SLC2A9: variants seen among roughly 807,000 people sequenced by gnomAD.
SLC2A9 encodes the protein solute carrier family 2, facilitated glucose transporter member 9.
Under a neutral mutation model 50.6 loss-of-function variants are expected in SLC2A9, and 39 were observed. The ratio of observed to expected loss-of-function variants is 0.77; its 90% CI spans 0.60 to 1.01. The LOEUF (loss-of-function observed/expected upper bound fraction) is 1.01. SLC2A9 is among the 50% of genes least tolerant of loss of function. The probability of loss-of-function intolerance (pLI) is 0.00; values close to 1 mark genes in which losing one functional copy is unlikely to be tolerated. For missense variants in SLC2A9, 686 were observed against 677.6 expected (o/e 1.01, Z -0.14); for synonymous variants, 324 against 276.9 (o/e 1.17, Z -1.69).
intron 2 of SLC2A9, among the ~76,000 whole-genome samples, chr4:10,002,156 A>T (rs920418226): frequency 6.6e-6 from 1 of 152,234 alleles, no homozygotes; most frequent in Non-Finnish European, 1.5e-5. Flanking sequence ...CCATAGGACC[A>T]GCTCTGGGAG....
At chr4:9,779,077 A>G (rs2108837197), downstream of SLC2A9, among the ~76,000 whole-genome samples, 1 of 152,146 alleles carries the variant, frequency 6.6e-6, no homozygotes, top group Admixed American at 6.5e-5. Flanking sequence ...GTCTCATCAC[A>G]CTTTCTAAAC....
chr4:9,955,930 T>G (rs1337140244), intron 5 of SLC2A9, among the ~76,000 whole-genome samples: 2 of 125,062 alleles, frequency 1.6e-5, no homozygotes, highest in Admixed American at 2.2e-4. Flanking sequence ...CAGGCTGGAG[T>G]GTAGTGGTGC....
chr4:9,971,924 C>T (rs1753971872), intron 5 of SLC2A9, among the ~76,000 whole-genome samples: 2 of 152,354 alleles, frequency 1.3e-5, no homozygotes, highest in South Asian at 4.1e-4. Context: ...ACTGCCTGTC[C>T]AACCTTGGAC....
intron 5 of SLC2A9, among the ~76,000 whole-genome samples, chr4:9,976,745 T>A (rs1578156421): frequency 6.6e-6 from 1 of 152,192 alleles, no homozygotes; most frequent in African/African-American, 2.4e-5. Context: ...TGGCATCATG[T>A]TCATGAGCCC....
chr4:10,029,447 C>G (rs1315016515), intron 1 of SLC2A9: 1 of 152,100 alleles, frequency 6.6e-6, no homozygotes, highest in Non-Finnish European at 1.5e-5. Flanking sequence ...TGGTTGTGTC[C>G]TAAGCCAGGG....
At chr4:9,991,234 C>T (rs966823500) in intron 3 of SLC2A9, among the ~76,000 whole-genome samples, 1 of 152,202 alleles carries the variant, frequency 6.6e-6, no homozygotes, top group South Asian at 2.1e-4. Context: ...CTGAAGAGCC[C>T]TTCCTCCACA....
In SLC2A9 at chr4:9,986,982, T is replaced by G. The variant is rs182718034; in HGVS notation, c.411-1189A>C. Among the ~76,000 whole-genome samples, 551 of 152,340 alleles carry G rather than the reference T, an allele frequency of 3.6e-3. 5 individuals carry two copies. The highest frequency in any genetic ancestry group is 0.012 in the African/African-American group (496 of 41,572). ...GCCCACATTTATTGAACTCTTGCTA[T>G]AGGATAGACCCTGCTTTAAGTACTT... On this transcript the variant is annotated intron_variant, in intron 3 of 11. Transcript: ENST00000264784.
chr4:9,984,951 C>T (rs1578191876), intron 4 of SLC2A9, among the ~76,000 whole-genome samples: 1 of 152,218 alleles, frequency 6.6e-6, no homozygotes, highest in South Asian at 2.1e-4. Flanking sequence ...AGCACCCACA[C>T]ATCTCCTTGC....
At chr4:9,794,248 G>A (rs1181164466), downstream of SLC2A9, among the ~76,000 whole-genome samples, 1 of 151,822 alleles carries the variant, frequency 6.6e-6, no homozygotes, top group Non-Finnish European at 1.5e-5. Context: ...TCCTGGTTTT[G>A]GTTTCAAGCG....
chr4:9,863,893 T>C (rs1732037269), intron 10 of SLC2A9, among the ~76,000 whole-genome samples: 1 of 152,128 alleles, frequency 6.6e-6, no homozygotes, highest in Admixed American at 6.5e-5. Flanking sequence ...TAGAAACATC[T>C]ATTCACTGTA....
At chr4:10,032,383 G>A (rs893154332) in intron 1 of SLC2A9, among the ~76,000 whole-genome samples, 1 of 152,092 alleles carries the variant, frequency 6.6e-6, no homozygotes, top group Non-Finnish European at 1.5e-5. Flanking sequence ...GGTGTGGTGG[G>A]GTTGTCAAGG....
At position 9,890,694 on chromosome 4, in the gene SLC2A9, G is replaced by A; in HGVS notation, c.1131C>T (p.His377=). ...AAVFSGLVIE[H]LGRRPLLIGG... ...CAATGAGGAGGGGTCTCCGTCCCAG[G>A]TGCTCAATGACCAAACCCTAGTCCA... The change falls in exon 9 of 12, where the codon CAC becomes CAT. Residue 377 remains histidine, a synonymous_variant. Coordinates refer to ENST00000264784, the MANE Select transcript of SLC2A9 (RefSeq NM_020041.3). 3 of 1,614,064 alleles carry A rather than the reference G, an allele frequency of 1.9e-6. No individual in the cohort carries two copies. Among genetic ancestry groups the A allele is most frequent in the Non-Finnish European group, 2.5e-6 (3 of 1,179,986 alleles).
intron 10 of SLC2A9, among the ~76,000 whole-genome samples, chr4:9,871,144 C>G (rs1451882679): frequency 6.6e-6 from 1 of 152,046 alleles, no homozygotes; most frequent in Non-Finnish European, 1.5e-5. Flanking sequence ...GAAAGTGCAC[C>G]ATAACCTTGG....
At chr4:9,784,271 C>G (rs1718920044) in intron 3 of SLC2A9, among the ~76,000 whole-genome samples, 1 of 145,030 alleles carries the variant, frequency 6.9e-6, no homozygotes, top group African/African-American at 2.6e-5. Flanking sequence ...TAGATCTTCT[C>G]AAGACCAGAT....
intron 10 of SLC2A9, among the ~76,000 whole-genome samples, chr4:9,874,187 C>A (rs1236443292): frequency 6.6e-6 from 1 of 152,176 alleles, no homozygotes; most frequent in African/African-American, 2.4e-5. Context: ...AGACATTCCT[C>A]CTTTTCCCTT....
chr4:10,019,814 G>A (rs1182974277), intron 1 of SLC2A9, among the ~76,000 whole-genome samples: 4 of 152,256 alleles, frequency 2.6e-5, no homozygotes, highest in Non-Finnish European at 5.9e-5. Flanking sequence ...AGAACAGGGC[G>A]CCTGCCTTGG....
chr4:9,996,569 C>T (rs375416664), intron 3 of SLC2A9, among the ~76,000 whole-genome samples: 37 of 145,222 alleles, frequency 2.5e-4, no homozygotes, highest in Admixed American at 1.5e-3. Context: ...AGTCCCTATA[C>T]GCTTCTGCTG....
At chr4:10,012,345 T>A (rs549013984) in intron 2 of SLC2A9, among the ~76,000 whole-genome samples, 1 of 152,194 alleles carries the variant, frequency 6.6e-6, no homozygotes. Context: ...TGTTTGAGAG[T>A]GAAGAGACCT....
intron 1 of SLC2A9, among the ~76,000 whole-genome samples, chr4:10,019,648 G>A (rs984904631): frequency 6.6e-6 from 1 of 152,246 alleles, no homozygotes; most frequent in African/African-American, 2.4e-5. Context: ...TCACCTGAGT[G>A]CCGTTGTCCA....
Sources: gnomAD v4.1 joint callset for allele counts (sites outside exome capture counted in the v4.1 genomes callset) on GRCh38, gnomAD v4.1.1 for gene constraint, MANE v1.5 for transcripts, NCBI Gene and HGNC (gene_info 2026-07-23, HGNC 2026-07-21) for gene names.